The following RC3H2 variants were observed in gnomAD, a reference collection of about 807,000 sequenced individuals.
RC3H2 encodes ring finger and CCCH-type domains 2.
Under a neutral mutation model 133.3 loss-of-function variants are expected in RC3H2, and 31 were observed. That is an observed-to-expected ratio of 0.23 (90% CI 0.17 to 0.31). The LOEUF (loss-of-function observed/expected upper bound fraction) is 0.31, where lower values mean the gene tolerates loss of function less well. Ranked by LOEUF, RC3H2 falls within the 10% of genes least tolerant of loss-of-function variation. RC3H2 has a pLI of 1.00. For synonymous variants in RC3H2, 517 were observed against 502.2 expected (o/e 1.03, Z -0.40); for missense variants, 1,175 against 1,437.2 (o/e 0.82, Z 2.95).
rs373459909 is a variant in RC3H2, at chr9:122,891,619, T to C, written c.350-1074A>G. Reference sequence around the variant, plus strand: ...TTACTCATTACTCCTTTAAAACACATTATTTGGCTTACTAATGTATCCCAG... The same window carrying C: ...TTACTCATTACTCCTTTAAAACACACTATTTGGCTTACTAATGTATCCCAG... On this transcript the variant is annotated intron_variant, in intron 3 of 20. Transcript: ENST00000357244. Among the ~76,000 whole-genome samples the C allele has an allele frequency of 1.4e-4, 21 of 152,282 alleles. No homozygotes were observed. The East Asian group carries it at 3.7e-3, about 27-fold the overall frequency.
chr9:122,860,405 CTTTTTTT>C (rs3049159), intron 10 of RC3H2, among the ~76,000 whole-genome samples: 2 of 99,944 alleles, frequency 2.0e-5, no homozygotes, highest in East Asian at 5.6e-4. Flanking sequence ...TTTACCCATT[CTTTTTTT>C]TTTTTTTTTT....
chr9:122,886,926 TTAAAG>T (rs1050759060), intron 4 of RC3H2, among the ~76,000 whole-genome samples: 4 of 152,360 alleles, frequency 2.6e-5, no homozygotes, highest in African/African-American at 9.6e-5. Flanking sequence ...CTAGTGCTTC[TTAAAG>T]TAAACATCAG....
At position 122,893,087 on chromosome 9, in the gene RC3H2, AT is replaced by A. The variant is rs969096841; in HGVS notation, c.232-62del. 5 of 1,557,994 alleles carry A rather than the reference AT, an allele frequency of 3.2e-6. No homozygotes were observed. In the African/African-American group the frequency reaches 5.5e-5, roughly 17 times the overall value. ...CATTCATCCAGCTCATGCAACTATT[AT>A]TTATGTACTTGATAATAATCTTGGT... On this transcript the variant is annotated intron_variant, in intron 2 of 20. Coordinates refer to ENST00000357244, the MANE Select transcript of RC3H2 (RefSeq NM_001100588.3).
chr9:122,866,049 G>C (rs1830634185), intron 9 of RC3H2, among the ~76,000 whole-genome samples: 1 of 152,134 alleles, frequency 6.6e-6, no homozygotes, highest in African/African-American at 2.4e-5. Flanking sequence ...AAATTTGGTT[G>C]AGAACACAGA....
intron 3 of RC3H2, among the ~76,000 whole-genome samples, chr9:122,891,987 CTGAA>C (rs1414433894): frequency 1.3e-5 from 2 of 152,172 alleles, no homozygotes; most frequent in South Asian, 2.1e-4. Flanking sequence ...TAATGAATGA[CTGAA>C]TGAATACATG....
At chr9:122,891,888 T>G (rs1832193122) in intron 3 of RC3H2, among the ~76,000 whole-genome samples, 1 of 152,214 alleles carries the variant, frequency 6.6e-6, no homozygotes, top group South Asian at 2.1e-4. Context: ...TTAAAATAAT[T>G]TATTACACTT....
chr9:122,854,406 GA>G (rs1237786290), intron 16 of RC3H2, 124 bp downstream of exon 16: 10 of 1,174,332 alleles, frequency 8.5e-6, no homozygotes, highest in Non-Finnish European at 1.2e-5. Context: ...ATATTTTTCA[GA>G]AATTTGTTAT....
chr9:122,868,357 A>G (rs1228308777), intron 9 of RC3H2, among the ~76,000 whole-genome samples: 2 of 152,216 alleles, frequency 1.3e-5, no homozygotes, highest in African/African-American at 2.4e-5. Context: ...CTGTGTGGAA[A>G]GAAGTAGACA....
intron 13 of RC3H2, among the ~76,000 whole-genome samples, chr9:122,856,455 A>G (rs551858805): frequency 4.4e-4 from 67 of 152,340 alleles, no homozygotes; most frequent in Admixed American, 1.3e-3. Context: ...AAGTTTTGCC[A>G]TATTGCCTAG....
chr9:122,856,273 CAG>C (rs948122006), intron 13 of RC3H2, among the ~76,000 whole-genome samples: 2 of 152,118 alleles, frequency 1.3e-5, no homozygotes, highest in African/African-American at 4.8e-5. Flanking sequence ...TCTTTTGAGA[CAG>C]GGTCTCACTC....
At chr9:122,866,884 A>G (rs1371072629) in intron 9 of RC3H2, among the ~76,000 whole-genome samples, 9 of 147,306 alleles carry the variant, frequency 6.1e-5, no homozygotes, top group African/African-American at 1.5e-4. Context: ...GGACGTGAGG[A>G]GCCCCTCTGC....
intron 1 of RC3H2, among the ~76,000 whole-genome samples, chr9:122,902,515 C>T (rs968144535): frequency 2.6e-5 from 4 of 151,984 alleles, no homozygotes; most frequent in Non-Finnish European, 4.4e-5. Flanking sequence ...CATTATAATC[C>T]GAGTAATTTT....
At chr9:122,881,170 T>C (rs971835896) in intron 5 of RC3H2, among the ~76,000 whole-genome samples, 2 of 152,092 alleles carry the variant, frequency 1.3e-5, no homozygotes, top group Non-Finnish European at 2.9e-5. Flanking sequence ...TTGTGCACAA[T>C]AAACAGGAGT....
chr9:122,873,467 C>T (rs1482839015), intron 9 of RC3H2, among the ~76,000 whole-genome samples: 1 of 152,110 alleles, frequency 6.6e-6, no homozygotes, highest in African/African-American at 2.4e-5. Context: ...AATCCTAGCA[C>T]TTTGGGAGGC....
intron 4 of RC3H2, 83 bp from the exon 5 acceptor site, chr9:122,883,462 G>C: frequency 9.6e-7 from 1 of 1,042,098 alleles, no homozygotes; most frequent in Non-Finnish European, 1.4e-6. Context: ...TTGGGTATTA[G>C]AGTTTATAGT....
At position 122,857,988 on chromosome 9, in the gene RC3H2, G is replaced by T; in HGVS notation, c.2389C>A (p.Leu797Ile). 3 of 1,614,158 alleles carry T rather than the reference G, an allele frequency of 1.9e-6. No individual in the cohort carries two copies. The highest frequency in any genetic ancestry group is 2.5e-6 in the Non-Finnish European group (3 of 1,179,956). ...TQKAPLVSSTLPVATQSPTPP... is the reference protein window; with the variant it reads ...TQKAPLVSSTIPVATQSPTPP... The stretch of plus-strand genomic sequence containing the variant: ...GTTGGTGACTGTGTTGCCACAGGAA[G>T]AGTTGAAGAGACAAGAGGTGCTTTC... The change falls in exon 13 of 21, where the codon CTT becomes ATT. Residue 797 changes from leucine (L) to isoleucine (I), a missense_variant. By Grantham distance (5) the Leu-to-Ile change is conservative (BLOSUM62 2). Around this residue, in one of 8 missense-constraint regions of RC3H2, gnomAD observed 490 missense variants for 492.8 expected, o/e 0.99. Transcript: ENST00000357244.
intron 1 of RC3H2, among the ~76,000 whole-genome samples, chr9:122,901,849 A>G (rs1292188743): frequency 6.6e-6 from 1 of 151,904 alleles, no homozygotes; most frequent in African/African-American, 2.4e-5. Flanking sequence ...TTGGCCTCCC[A>G]AAGTCCTGGG....
At chr9:122,875,080 T>C in intron 9 of RC3H2, 1 of 1,300,260 alleles carries the variant, frequency 7.7e-7, no homozygotes, top group Non-Finnish European at 1.0e-6. Flanking sequence ...CTGAATGTAT[T>C]TCCTGGAGTC....
chr9:122,900,106 GTCCTTAGTATAGTT>G (rs1366497148), intron 1 of RC3H2, among the ~76,000 whole-genome samples: 1 of 152,158 alleles, frequency 6.6e-6, no homozygotes, highest in Non-Finnish European at 1.5e-5. Context: ...TGTTACAATA[GTCCTTAGTATAGTT>G]TTATGTTACA....
Sources: gnomAD v4.1 joint callset for allele counts (sites outside exome capture counted in the v4.1 genomes callset) on GRCh38, gnomAD v4.1.1 for gene constraint, gnomAD v4.1.1 regional missense constraint, MANE v1.5 for transcripts, NCBI Gene and HGNC (gene_info 2026-07-23, HGNC 2026-07-21) for gene names.